SMYD3: variants seen among roughly 807,000 people sequenced by gnomAD.
The protein encoded by SMYD3 is histone-lysine N-methyltransferase SMYD3.
Under a neutral mutation model 57.7 loss-of-function variants are expected in SMYD3, and 36 were observed. The ratio of observed to expected loss-of-function variants is 0.62; its 90% CI spans 0.48 to 0.82. The LOEUF is 0.82. Ranked by LOEUF, SMYD3 falls within the 40% of genes least tolerant of loss-of-function variation. The pLI, the probability that SMYD3 is intolerant of heterozygous loss-of-function variation, is 0.00. For missense variants in SMYD3, 515 were observed against 538.8 expected (o/e 0.96, Z 0.44); for synonymous variants, 211 against 195.0 (o/e 1.08, Z -0.68).
rs143025772 is a variant in SMYD3, at chr1:246,034,202, G to A, written c.532-104265C>T. Among the ~76,000 whole-genome samples the A allele has an allele frequency of 3.9e-5, 6 of 152,262 alleles. No homozygotes were observed. In the East Asian group the frequency reaches 9.6e-4, roughly 24 times the overall value. On this transcript the variant is annotated intron_variant, in intron 5 of 11. Coordinates refer to ENST00000490107, the MANE Select transcript of SMYD3 (RefSeq NM_001167740.2). ...TTTTATTTGTGGATCAAATGAAGACGTAACTCCATGAAAGGGTCTGATCAT... is the reference window on the plus strand; with the variant it reads ...TTTTATTTGTGGATCAAATGAAGACATAACTCCATGAAAGGGTCTGATCAT...
chr1:246,506,481 A>T lies in SMYD3; in HGVS notation c.164+573T>A, dbSNP rs544465102. Among the ~76,000 whole-genome samples, 3 of 151,958 alleles carry T rather than the reference A, an allele frequency of 2.0e-5. No individual in the cohort carries two copies. The South Asian group carries it at 6.3e-4, about 32-fold the overall frequency. ...CTGGTACACTGTAATTCTCTCTCTC[A>T]CTTGATCAGCTCTTTGAGGAGGTCC... On this transcript the variant is annotated intron_variant, in intron 1 of 11. Coordinates refer to ENST00000490107, the MANE Select transcript of SMYD3 (RefSeq NM_001167740.2).
intron 5 of SMYD3, among the ~76,000 whole-genome samples, chr1:246,134,934 T>TAA (rs1374654210): frequency 1.3e-4 from 17 of 131,028 alleles, no homozygotes; most frequent in Middle Eastern, 3.8e-3. Flanking sequence ...CCAGTCAAGC[T>TAA]AAAAAAAAAA....
rs149035551 is a variant in SMYD3, at chr1:246,320,555, G to T, written c.531+6646C>A. 2.9e-3 allele frequency among the ~76,000 whole-genome samples: 440 copies of T among 152,174 alleles called. 2 individuals carry two copies. Among genetic ancestry groups the T allele is most frequent in the Admixed American group, 5.8e-3 (88 of 15,276 alleles). On this transcript the variant is annotated intron_variant, in intron 5 of 11. Transcript: ENST00000490107. ...GGTCAGGAAGGTCACTTTTATTCTT[G>T]TTGCCGCCAATCTAATGCCTGTTTT...
chr1:245,925,352 A>G (rs2056296889), intron 7 of SMYD3, among the ~76,000 whole-genome samples: 1 of 152,148 alleles, frequency 6.6e-6, no homozygotes, highest in Admixed American at 6.5e-5. Context: ...TGGGAACACA[A>G]AATGTCTAGA....
At chr1:246,099,969 T>C (rs568788671) in intron 5 of SMYD3, among the ~76,000 whole-genome samples, 1 of 152,358 alleles carries the variant, frequency 6.6e-6, no homozygotes, top group Non-Finnish European at 1.5e-5. Context: ...AAAATCATAA[T>C]AAATTCTATT....
intron 5 of SMYD3, among the ~76,000 whole-genome samples, chr1:246,070,956 C>T (rs1483296686): frequency 6.6e-6 from 1 of 152,120 alleles, no homozygotes; most frequent in Non-Finnish European, 1.5e-5. Flanking sequence ...TAATTCTATT[C>T]TAGGCATAAT....
At chr1:246,057,318 T>C (rs1226973958) in intron 5 of SMYD3, among the ~76,000 whole-genome samples, 1 of 152,204 alleles carries the variant, frequency 6.6e-6, no homozygotes. Context: ...TAGAGTTACA[T>C]GCAGAACTGA....
chr1:245,811,788 CT>C (rs1211114642), intron 10 of SMYD3, among the ~76,000 whole-genome samples: 1 of 152,184 alleles, frequency 6.6e-6, no homozygotes, highest in Non-Finnish European at 1.5e-5. Context: ...TCTATGGATA[CT>C]GTTCCATTAA....
chr1:246,029,576 G>A (rs2059631299), intron 5 of SMYD3, among the ~76,000 whole-genome samples: 1 of 151,126 alleles, frequency 6.6e-6, no homozygotes, highest in East Asian at 2.0e-4. Flanking sequence ...GGAGGCTGAA[G>A]CAGGAGAATT....
chr1:246,376,305 C>T (rs958383564), intron 1 of SMYD3, among the ~76,000 whole-genome samples: 1 of 151,898 alleles, frequency 6.6e-6, no homozygotes, highest in Non-Finnish European at 1.5e-5. Flanking sequence ...CTATTATAAA[C>T]AAGCAGGGCA....
intron 10 of SMYD3, among the ~76,000 whole-genome samples, chr1:245,806,767 G>T (rs1401143845): frequency 6.6e-6 from 1 of 151,092 alleles, no homozygotes; most frequent in Admixed American, 6.6e-5. Flanking sequence ...AAAATTAGCC[G>T]GGCGCGGTGG....
At chr1:245,861,838 A>G (rs541963104) in intron 9 of SMYD3, among the ~76,000 whole-genome samples, 6 of 148,940 alleles carry the variant, frequency 4.0e-5, no homozygotes, top group African/African-American at 1.5e-4. Flanking sequence ...TTACTACCCC[A>G]CAATATAGGA....
At chr1:245,921,254 C>T (rs1292180052) in intron 7 of SMYD3, among the ~76,000 whole-genome samples, 2 of 152,062 alleles carry the variant, frequency 1.3e-5, no homozygotes, top group Non-Finnish European at 2.9e-5. Flanking sequence ...GTCAGAATGG[C>T]TATTACTAAA....
At chr1:246,061,086 G>A (rs1264803994) in intron 5 of SMYD3, among the ~76,000 whole-genome samples, 1 of 152,114 alleles carries the variant, frequency 6.6e-6, no homozygotes, top group East Asian at 1.9e-4. Flanking sequence ...AGCCAGGCGT[G>A]CTGGCAGGCA....
chr1:246,352,699 G>A (rs1244623963), intron 2 of SMYD3, among the ~76,000 whole-genome samples: 1 of 152,096 alleles, frequency 6.6e-6, no homozygotes, highest in Non-Finnish European at 1.5e-5. Flanking sequence ...AAAAACACAT[G>A]CACTACAGGT....
At chr1:246,506,975 G>A in intron 1 of SMYD3, 79 bp downstream of exon 1, 1 of 1,242,532 alleles carries the variant, frequency 8.0e-7, no homozygotes, top group Non-Finnish European at 1.1e-6. Context: ...TCCCGCGGCT[G>A]CCGGCCGCCC....
chr1:245,812,288 G>A (rs2048517483), intron 10 of SMYD3, among the ~76,000 whole-genome samples: 2 of 152,192 alleles, frequency 1.3e-5, no homozygotes, highest in African/African-American at 4.8e-5. Context: ...CCTTTGCATA[G>A]AGGACAAGCT....
chr1:246,307,755 C>A (rs1294631386), intron 5 of SMYD3, among the ~76,000 whole-genome samples: 5 of 152,076 alleles, frequency 3.3e-5, no homozygotes, highest in Admixed American at 3.3e-4. Context: ...GAAAGCAGCA[C>A]GAGGAGGGCT....
At chr1:246,445,845 A>T (rs538309335) in intron 1 of SMYD3, among the ~76,000 whole-genome samples, 1 of 150,230 alleles carries the variant, frequency 6.7e-6, no homozygotes, top group African/African-American at 2.5e-5. Context: ...TTGAGTGGAC[A>T]TCCAAAAAGG....
Sources: allele counts gnomAD v4.1 joint callset (sites outside exome capture counted in the v4.1 genomes callset), GRCh38; gene constraint gnomAD v4.1.1; transcripts MANE v1.5; gene names NCBI Gene and HGNC (gene_info 2026-07-23, HGNC 2026-07-21).